STARD13: variants seen among roughly 807,000 people sequenced by gnomAD.
STARD13 encodes StAR related lipid transfer domain containing 13.
A neutral mutation model predicts 106.4 loss-of-function variants in STARD13; 62 were observed. The ratio of observed to expected loss-of-function variants is 0.58; its 90% CI spans 0.48 to 0.72. STARD13 has a LOEUF of 0.72. Ranked by LOEUF, STARD13 falls within the 30% of genes least tolerant of loss-of-function variation. STARD13 has a pLI of 0.00. For synonymous variants in STARD13, 565 were observed against 553.0 expected (o/e 1.02, Z -0.31); for missense variants, 1,387 against 1,424.0 (o/e 0.97, Z 0.42).
At chr13:33,449,140 G>A in the STARD13 span, among the ~76,000 whole-genome samples, 1 of 151,046 alleles carries the variant, frequency 6.6e-6, no homozygotes, top group Admixed American at 6.6e-5. Flanking sequence ...TGTTGCCTAT[G>A]CTTTTGAAGT....
At chr13:33,159,513 G>A (rs1404918063) in intron 3 of STARD13, among the ~76,000 whole-genome samples, 2 of 152,162 alleles carry the variant, frequency 1.3e-5, no homozygotes, top group Non-Finnish European at 2.9e-5. Context: ...CATAATCAGA[G>A]ACAATCTTTG....
At chr13:33,253,272 T>C (rs544707545) in intron 1 of STARD13, among the ~76,000 whole-genome samples, 3 of 152,220 alleles carry the variant, frequency 2.0e-5, no homozygotes, top group Non-Finnish European at 2.9e-5. Flanking sequence ...CCTTTGAACA[T>C]GGATTTGTGA....
the STARD13 span, among the ~76,000 whole-genome samples, chr13:33,439,041 C>T: frequency 6.6e-6 from 1 of 152,208 alleles, no homozygotes; most frequent in Admixed American, 6.5e-5. Context: ...TGAAGGGGTT[C>T]CTTTCTATGT....
At chr13:33,642,911 G>A in the STARD13 span, among the ~76,000 whole-genome samples, 6 of 151,494 alleles carry the variant, frequency 4.0e-5, no homozygotes, top group South Asian at 1.3e-3. Flanking sequence ...AGCCAGGTTT[G>A]GACTGAGGCA....
At chr13:33,242,157 C>T (rs904461219) in intron 1 of STARD13, among the ~76,000 whole-genome samples, 2 of 151,960 alleles carry the variant, frequency 1.3e-5, no homozygotes, top group African/African-American at 2.4e-5. Context: ...CCGGCCGCCC[C>T]GTCTGAGAAG....
chr13:33,355,043 C>T (rs1315164766), upstream of STARD13, among the ~76,000 whole-genome samples: 1 of 152,042 alleles, frequency 6.6e-6, no homozygotes, highest in East Asian at 1.9e-4. Flanking sequence ...GATAAACACA[C>T]TATAATTTAT....
intron 4 of STARD13, among the ~76,000 whole-genome samples, chr13:33,133,455 T>G (rs1449995576): frequency 6.6e-6 from 1 of 150,442 alleles, no homozygotes; most frequent in African/African-American, 2.5e-5. Context: ...GAAAGCAAAA[T>G]GCAACAGAGA....
the STARD13 span, among the ~76,000 whole-genome samples, chr13:33,496,774 T>G: frequency 6.6e-6 from 1 of 152,114 alleles, no homozygotes; most frequent in Non-Finnish European, 1.5e-5. Context: ...ATTGCTGTTT[T>G]TTTAAACAAA....
chr13:33,534,946 T>C, the STARD13 span, among the ~76,000 whole-genome samples: 1 of 152,222 alleles, frequency 6.6e-6, no homozygotes, highest in Non-Finnish European at 1.5e-5. Flanking sequence ...GGGCCGTTTG[T>C]GGCTCACGCC....
At chr13:33,665,068 G>A in the STARD13 span, among the ~76,000 whole-genome samples, 3 of 152,366 alleles carry the variant, frequency 2.0e-5, no homozygotes, top group East Asian at 5.8e-4. Flanking sequence ...TGGAGACCCT[G>A]TTACTGTGGC....
the STARD13 span, among the ~76,000 whole-genome samples, chr13:33,444,188 TAC>T: frequency 1.3e-5 from 2 of 152,208 alleles, no homozygotes; most frequent in Non-Finnish European, 2.9e-5. Flanking sequence ...AGTATATAGA[TAC>T]ACACATTTCT....
the STARD13 span, among the ~76,000 whole-genome samples, chr13:33,548,630 A>T: frequency 8.5e-5 from 13 of 152,298 alleles, 1 homozygote; most frequent in East Asian, 2.5e-3. Context: ...ATTTTTTTTA[A>T]AAAAATATTT....
intron 1 of STARD13, among the ~76,000 whole-genome samples, chr13:33,232,577 C>T (rs1476092195): frequency 2.0e-5 from 3 of 152,098 alleles, no homozygotes; most frequent in Non-Finnish European, 4.4e-5. Flanking sequence ...AATCTCTCAT[C>T]TCTTCTCTTC....
At chr13:33,368,726 C>T in the STARD13 span, among the ~76,000 whole-genome samples, 1 of 152,236 alleles carries the variant, frequency 6.6e-6, no homozygotes, top group Admixed American at 6.5e-5. Context: ...AGAGTCTGGA[C>T]AGAAACAAGG....
At chr13:33,120,384 T>A (rs1003579259) in intron 7 of STARD13, among the ~76,000 whole-genome samples, 2 of 152,184 alleles carry the variant, frequency 1.3e-5, no homozygotes, top group Admixed American at 1.3e-4. Flanking sequence ...TTTCAGCAAA[T>A]ATTGTTATTT....
the STARD13 span, among the ~76,000 whole-genome samples, chr13:33,611,675 CT>C: frequency 6.6e-6 from 1 of 152,188 alleles, no homozygotes; most frequent in African/African-American, 2.4e-5. Context: ...ATTTTGACAG[CT>C]AGATAAGCAG....
chr13:33,344,543 T>A (rs1448559102), downstream of STARD13, among the ~76,000 whole-genome samples: 1 of 152,212 alleles, frequency 6.6e-6, no homozygotes, highest in African/African-American at 2.4e-5. Flanking sequence ...TTGATCTTGC[T>A]TTGCATTGAA....
the STARD13 span, among the ~76,000 whole-genome samples, chr13:33,607,974 A>G: frequency 1.3e-5 from 2 of 152,178 alleles, no homozygotes; most frequent in Non-Finnish European, 1.5e-5. Context: ...CAATGGCACA[A>G]TCCTAGCCTT....
At chr13:33,154,779 T>C (rs1881741971) in intron 3 of STARD13, among the ~76,000 whole-genome samples, 1 of 152,182 alleles carries the variant, frequency 6.6e-6, no homozygotes, top group Admixed American at 6.5e-5. Flanking sequence ...CAGATAATTT[T>C]TCTAGTGAGA....
Sources: gnomAD v4.1 joint callset for allele counts (sites outside exome capture counted in the v4.1 genomes callset) on GRCh38, gnomAD v4.1.1 for gene constraint, MANE v1.5 for transcripts, NCBI Gene and HGNC (gene_info 2026-07-23, HGNC 2026-07-21) for gene names.